Variants in HNRNPLL observed in about 807,000 individuals in gnomAD.
HNRNPLL encodes the protein heterogeneous nuclear ribonucleoprotein L like, also known as heterogeneous nuclear ribonucleoprotein L-like.
A neutral mutation model predicts 67.1 loss-of-function variants in HNRNPLL; 25 were observed. The ratio of observed to expected loss-of-function variants is 0.37; its 90% CI spans 0.27 to 0.52. HNRNPLL has a LOEUF of 0.52. Ranked by LOEUF, HNRNPLL falls within the 20% of genes least tolerant of loss-of-function variation. HNRNPLL has a pLI of 0.90. For synonymous variants in HNRNPLL, 267 were observed against 241.7 expected (o/e 1.10, Z -0.97); for missense variants, 542 against 673.9 (o/e 0.80, Z 2.17).
At chr2:38,596,171 T>G (rs1667180814) in intron 1 of HNRNPLL, among the ~76,000 whole-genome samples, 1 of 152,144 alleles carries the variant, frequency 6.6e-6, no homozygotes, top group South Asian at 2.1e-4. Context: ...AGCTTCGTTT[T>G]CCCCCTTTTC....
chr2:38,570,689 A>G (rs745514088), intron 8 of HNRNPLL, among the ~76,000 whole-genome samples: 1 of 152,194 alleles, frequency 6.6e-6, no homozygotes, highest in Non-Finnish European at 1.5e-5. Context: ...GCTATTAAGT[A>G]CAGTAGTTCC....
intron 1 of HNRNPLL, among the ~76,000 whole-genome samples, chr2:38,597,752 G>A (rs917998159): frequency 6.6e-6 from 1 of 150,630 alleles, no homozygotes; most frequent in African/African-American, 2.4e-5. Flanking sequence ...GCAGTGGCAC[G>A]ATCTCAGCTC....
chr2:38,579,171 G>T (rs1417784364), intron 6 of HNRNPLL, among the ~76,000 whole-genome samples: 1 of 152,108 alleles, frequency 6.6e-6, no homozygotes, highest in African/African-American at 2.4e-5. Flanking sequence ...ACTGGGTTGG[G>T]AATCAGACGA....
At chr2:38,588,239 C>T (rs1666810394) in intron 2 of HNRNPLL, among the ~76,000 whole-genome samples, 1 of 152,066 alleles carries the variant, frequency 6.6e-6, no homozygotes, top group Non-Finnish European at 1.5e-5. Flanking sequence ...AGTAAATTTG[C>T]TTTCTGTGAC....
At chr2:38,591,835 G>A (rs1006073294) in intron 1 of HNRNPLL, among the ~76,000 whole-genome samples, 187 bp from the exon 2 acceptor site, 2 of 152,006 alleles carry the variant, frequency 1.3e-5, no homozygotes, top group Non-Finnish European at 2.9e-5. Context: ...AATTAGCCAG[G>A]CATGGTGGCA....
intron 2 of HNRNPLL, among the ~76,000 whole-genome samples, chr2:38,590,410 C>T (rs1364701561): frequency 2.0e-5 from 3 of 152,082 alleles, no homozygotes; most frequent in Admixed American, 1.3e-4. Context: ...TGAAATTTCT[C>T]TTCTATTTAT....
chr2:38,595,402 A>G lies in HNRNPLL; in HGVS notation c.190-3754T>C, dbSNP rs1322252364. 3.9e-5 allele frequency among the ~76,000 whole-genome samples: 6 copies of G among 151,910 alleles called. No homozygotes were observed. The East Asian group carries it at 5.8e-4, about 15-fold the overall frequency. On this transcript the variant is annotated intron_variant, in intron 1 of 12. Coordinates refer to ENST00000449105, the MANE Select transcript of HNRNPLL (RefSeq NM_138394.4). ...TATCATGAGTATAGTGCTAAAAAAT[A>G]TAACTATTTTTCAAATTGGTCTTCT... is the stretch of plus-strand genomic sequence containing the variant.
rs180727435 is a variant in HNRNPLL at position 38,584,971 on chromosome 2, A to G, written c.546+673T>C. 1.1e-3 allele frequency among the ~76,000 whole-genome samples: 161 copies of G among 152,204 alleles called. 1 individual carries two copies. The highest frequency in any genetic ancestry group is 3.8e-3 in the African/African-American group (157 of 41,562). On this transcript the variant is annotated intron_variant, in intron 3 of 12. Transcript: ENST00000449105. ...AAATACAAAATGTCTAATTAAATCT[A>G]AAGAATATCTTATGCTTTAAGTTTA... is the stretch of plus-strand genomic sequence containing the variant.
Position 38,581,906 on chromosome 2 carries a change from T to C in HNRNPLL, c.802+7A>G, listed in dbSNP as rs1207087750. The C allele has an allele frequency of 3.1e-6, 5 of 1,587,542 alleles. No homozygotes were observed. The South Asian group carries it at 3.3e-5, about 11-fold the overall frequency. The stretch of plus-strand genomic sequence containing the variant: ...CAAGTACATTCTAAAATGTATAAAA[T>C]ACCTACCTCGTCTTCCCAAATATGG... On this transcript the variant is annotated splice_region_variant and intron_variant, in intron 6 of 12. Coordinates refer to ENST00000449105, the MANE Select transcript of HNRNPLL (RefSeq NM_138394.4).
rs188354949 is a variant in HNRNPLL at position 38,585,262 on chromosome 2, A to G, written c.546+382T>C. Among the ~76,000 whole-genome samples, 25 of 152,342 alleles carry G rather than the reference A, an allele frequency of 1.6e-4. No individual in the cohort carries two copies. The East Asian group carries it at 3.7e-3, about 22-fold the overall frequency. ...AGCTATTGCAAAATAGTTCATAATG[A>G]TATGTGCATCTTACCATAACATGGG... On this transcript the variant is annotated intron_variant, in intron 3 of 12. Coordinates refer to ENST00000449105, the MANE Select transcript of HNRNPLL (RefSeq NM_138394.4).
intron 1 of HNRNPLL, among the ~76,000 whole-genome samples, chr2:38,597,239 G>C (rs1197199947): frequency 6.6e-6 from 1 of 152,098 alleles, no homozygotes; most frequent in Non-Finnish European, 1.5e-5. Flanking sequence ...ACCGATATTT[G>C]TAATGATTTA....
intron 8 of HNRNPLL, among the ~76,000 whole-genome samples, chr2:38,571,953 T>C (rs913393493): frequency 2.6e-5 from 4 of 152,166 alleles, no homozygotes; most frequent in African/African-American, 7.2e-5. Context: ...CTACTAAAGA[T>C]GTTGATTAAA....
At position 38,568,154 on chromosome 2, in the gene HNRNPLL, A is replaced by G. The variant is rs773952879; in HGVS notation, c.1573+45T>C. On this transcript the variant is annotated intron_variant, in intron 12 of 12. Coordinates refer to ENST00000449105, the MANE Select transcript of HNRNPLL (RefSeq NM_138394.4). ...TTACCATGAATGTTTCTGTGATGGT[A>G]ACTGCCACTACATAATTACAACACA... 1.2e-5 allele frequency: 14 copies of G among 1,143,172 alleles called. No individual in the cohort carries two copies. In the East Asian group the frequency reaches 3.3e-4, roughly 27 times the overall value. The allele number at this position is 1,143,172 out of a possible 1,614,324, so 70.8% of individuals were successfully genotyped here. A position where few individuals can be genotyped will look rare whatever the true frequency, so the allele number is the denominator to read the frequency against.
At chr2:38,587,618 A>G (rs1420821673) in intron 2 of HNRNPLL, among the ~76,000 whole-genome samples, 1 of 152,158 alleles carries the variant, frequency 6.6e-6, no homozygotes, top group Non-Finnish European at 1.5e-5. Context: ...TGCTGGTATC[A>G]GGTCTATGCT....
At chr2:38,576,706 C>T (rs1224063999) in intron 7 of HNRNPLL, among the ~76,000 whole-genome samples, 2 of 151,702 alleles carry the variant, frequency 1.3e-5, no homozygotes, top group Non-Finnish European at 3.0e-5. Flanking sequence ...GTGACCAATC[C>T]CAAGACTACA....
At chr2:38,600,302 T>C (rs1422388738) in intron 1 of HNRNPLL, among the ~76,000 whole-genome samples, 1 of 152,158 alleles carries the variant, frequency 6.6e-6, no homozygotes, top group African/African-American at 2.4e-5. Context: ...CGGGGTAACT[T>C]AAAAGCAGCA....
At chr2:38,576,196 A>C (rs1666294895) in intron 7 of HNRNPLL, among the ~76,000 whole-genome samples, 1 of 151,840 alleles carries the variant, frequency 6.6e-6, no homozygotes, top group African/African-American at 2.4e-5. Flanking sequence ...ATTCTTTCAC[A>C]GATTTTTCTA....
At chr2:38,568,999 C>G (rs1241333783) in intron 10 of HNRNPLL, 134 bp downstream of exon 10, 1 of 668,538 alleles carries the variant, frequency 1.5e-6, no homozygotes. Context: ...AATAAACTAT[C>G]CAGTACCAAG....
In HNRNPLL at chr2:38,602,523, G is replaced by C; in HGVS notation, c.104C>G (p.Ser35Trp). 1 of 1,554,134 alleles carries C rather than the reference G, an allele frequency of 6.4e-7. No homozygotes were observed. Among genetic ancestry groups the C allele is most frequent in the Middle Eastern group, 1.7e-4 (1 of 5,984 alleles). Residue 35 changes from serine to tryptophan, a missense_variant, in exon 1 of 13, where the codon TCG becomes TGG. Around this residue, in one of 2 missense-constraint regions of HNRNPLL, gnomAD observed 127 missense variants for 98.7 expected, o/e 1.29. Coordinates refer to ENST00000449105, the MANE Select transcript of HNRNPLL (RefSeq NM_138394.4). ...LKTEEGEIDY[S>W]AEEGENRREA... is the part of the protein sequence containing the mutation. The stretch of plus-strand genomic sequence containing the variant: ...CCGGCGGTTCTCGCCTTCCTCGGCC[G>C]AGTAGTCGATCTCCCCCTCCTCGGT...
Sources: allele counts gnomAD v4.1 joint callset (sites outside exome capture counted in the v4.1 genomes callset), GRCh38; gene constraint gnomAD v4.1.1; regional missense constraint gnomAD v4.1.1; transcripts MANE v1.5; gene names NCBI Gene and HGNC (gene_info 2026-07-23, HGNC 2026-07-21).